Variants in DNAI3 observed in about 807,000 individuals in gnomAD.
DNAI3 encodes dynein axonemal intermediate chain 3, also known as WD repeat domain 63.
A neutral mutation model predicts 115.5 loss-of-function variants in DNAI3; 83 were observed. That is an observed-to-expected ratio of 0.72 (90% CI 0.60 to 0.86). The LOEUF (loss-of-function observed/expected upper bound fraction) is 0.86. Ranked by LOEUF, DNAI3 falls within the 40% of genes least tolerant of loss-of-function variation. The probability of loss-of-function intolerance (pLI) is 0.00; values close to 1 mark genes in which losing one functional copy is unlikely to be tolerated. For missense variants in DNAI3, 1,004 were observed against 1,075.8 expected, an observed-to-expected ratio of 0.93 and a Z score of 0.93; for synonymous variants, 320 against 347.0, an observed-to-expected ratio of 0.92 and a Z score of 0.86.
chr1:85,124,714 G>A (rs1281777242), intron 19 of DNAI3, among the ~76,000 whole-genome samples: 1 of 152,084 alleles, frequency 6.6e-6, no homozygotes, highest in African/African-American at 2.4e-5. Flanking sequence ...TGTGTTTTTT[G>A]TAGAAATGGG....
At chr1:85,116,726 T>G (rs1188051334) in intron 16 of DNAI3, among the ~76,000 whole-genome samples, 1 of 152,238 alleles carries the variant, frequency 6.6e-6, no homozygotes, top group Admixed American at 6.5e-5. Context: ...TGCCCAGTCA[T>G]GTTTGAAATG....
intron 15 of DNAI3, 28 bp downstream of exon 15, chr1:85,108,205 C>A (rs1169771777): frequency 6.4e-7 from 1 of 1,556,596 alleles, no homozygotes; most frequent in East Asian, 2.3e-5. Flanking sequence ...TTTAGTCCAT[C>A]CTGCTTGCAT....
chr1:85,070,921 C>A, intron 1 of DNAI3, among the ~76,000 whole-genome samples: 1 of 152,172 alleles, frequency 6.6e-6, no homozygotes, highest in Non-Finnish European at 1.5e-5. Context: ...TACACAGGAA[C>A]ACAGACACAC....
chr1:85,124,161 T>C lies in DNAI3; in HGVS notation c.2022T>C (p.Thr674=), dbSNP rs975374193. The C allele has an allele frequency of 1.2e-6, 2 of 1,614,136 alleles. No individual in the cohort carries two copies. Among genetic ancestry groups the C allele is most frequent in the Non-Finnish European group, 1.7e-6 (2 of 1,180,050 alleles). ...PVSHHTIHDG[T]VHTIQRSPFY... ...GCCACCACACCATTCACGACGGAAC[T>C]GTCCACACTATTCAGAGATCACCTT... is the stretch of plus-strand genomic sequence containing the variant. Residue 674 remains threonine (T), a synonymous_variant, in exon 19 of 23, where the codon ACT becomes ACC. Coordinates refer to ENST00000294664, the MANE Select transcript of DNAI3 (RefSeq NM_145172.5).
intron 18 of DNAI3, among the ~76,000 whole-genome samples, chr1:85,122,530 T>C (rs542654979): frequency 6.6e-6 from 1 of 152,356 alleles, no homozygotes; most frequent in East Asian, 1.9e-4. Flanking sequence ...TGTGAAAATA[T>C]ATTTTAATGC....
At chr1:85,075,281 A>G (rs1243457624) in intron 3 of DNAI3, among the ~76,000 whole-genome samples, 1 of 152,126 alleles carries the variant, frequency 6.6e-6, no homozygotes, top group Non-Finnish European at 1.5e-5. Flanking sequence ...TGCTTTTCAC[A>G]TAGTGGGTGC....
At chr1:85,080,046 C>CTT (rs35938324) in intron 3 of DNAI3, among the ~76,000 whole-genome samples, 300 of 68,358 alleles carry the variant, frequency 4.4e-3, no homozygotes, top group East Asian at 6.5e-3. Flanking sequence ...TTTTCTTTTT[C>CTT]TTTTTTTTTT....
In DNAI3 at chr1:85,117,878, C is replaced by T; in HGVS notation, c.1917+19C>T. 6.2e-7 allele frequency: 1 copy of T among 1,608,360 alleles called. No individual in the cohort carries two copies. On this transcript the variant is annotated intron_variant, in intron 17 of 22. Transcript: ENST00000294664. Reference sequence around the variant, plus strand: ...AACAGAGGTAAATTGGGATTATCTGCTTTTAAAATTAATACTTATTTATAC... The same window carrying T: ...AACAGAGGTAAATTGGGATTATCTGTTTTTAAAATTAATACTTATTTATAC...
chr1:85,066,462 GAC>G (rs1654101460), intron 1 of DNAI3, among the ~76,000 whole-genome samples: 1 of 151,716 alleles, frequency 6.6e-6, no homozygotes, highest in Admixed American at 6.6e-5. Context: ...GAGTAGCTGA[GAC>G]TACAGGCGCC....
At position 85,104,590 on chromosome 1, in the gene DNAI3, G is replaced by T. The variant is rs763104920; in HGVS notation, c.1546G>T (p.Ala516Ser). The T allele has an allele frequency of 1.7e-5, 28 of 1,613,434 alleles. No homozygotes were observed. The South Asian group carries it at 3.1e-4, about 18-fold the overall frequency. Residue 516 changes from alanine to serine, a missense_variant, in exon 14 of 23, where the codon GCA becomes TCA. Physicochemically the swap from Ala to Ser is moderately conservative, Grantham distance 99 (BLOSUM62 1). Coordinates refer to ENST00000294664, the MANE Select transcript of DNAI3 (RefSeq NM_145172.5). ...GICCQLVTCSADCTICFWDIR... is the reference protein window; with the variant it reads ...GICCQLVTCSSDCTICFWDIR... ...ATGCTGTCAACTTGTCACATGTTCA[G>T]CAGATTGGTAAGTCTTGTTTCAAAC...
intron 19 of DNAI3, among the ~76,000 whole-genome samples, chr1:85,124,470 G>A (rs1028282113): frequency 6.6e-6 from 1 of 152,178 alleles, no homozygotes; most frequent in African/African-American, 2.4e-5. Context: ...CAGTTTACAA[G>A]TTCCTTGTTC....
In DNAI3 at chr1:85,121,734, A is replaced by G; in HGVS notation, c.1918-17A>G. 6.2e-7 allele frequency: 1 copy of G among 1,613,394 alleles called. No homozygotes were observed. Among genetic ancestry groups the G allele is most frequent in the Non-Finnish European group, 8.5e-7 (1 of 1,179,416 alleles). ...TAAGTTGTCATTGTACTCATCAGGA[A>G]CCTGTAATATTTTTAGGAAGGCGAA... On this transcript the variant is annotated splice_polypyrimidine_tract_variant and intron_variant, in intron 17 of 22. Transcript: ENST00000294664.
Position 85,098,497 on chromosome 1 carries a change from AT to A in DNAI3, c.1351-31del. 4 of 1,603,790 alleles carry A rather than the reference AT, an allele frequency of 2.5e-6. No individual in the cohort carries two copies. The South Asian group carries it at 4.5e-5, about 18-fold the overall frequency. ...TGAGTTCATTCATCAGCCCTCTGAA[AT>A]TAGCACTTAACTTTCTTTTAATATT... On this transcript the variant is annotated intron_variant, in intron 12 of 22. Transcript: ENST00000294664.
At chr1:85,084,813 G>T in intron 6 of DNAI3, 118 bp downstream of exon 6, 1 of 1,072,978 alleles carries the variant, frequency 9.3e-7, no homozygotes, top group Non-Finnish European at 1.2e-6. Context: ...TTGGTGTGTT[G>T]TTTTGGTTTG....
chr1:85,076,796 G>A (rs952644497), intron 3 of DNAI3, among the ~76,000 whole-genome samples: 2 of 152,122 alleles, frequency 1.3e-5, no homozygotes, highest in Admixed American at 6.6e-5. Flanking sequence ...ACAAGTTTCA[G>A]GAATTAGGAC....
intron 15 of DNAI3, 148 bp from the exon 16 acceptor site, chr1:85,109,900 T>A: frequency 1.5e-6 from 1 of 686,074 alleles, no homozygotes. Context: ...GGAAAGAAAC[T>A]AGAAATTTGA....
intron 3 of DNAI3, among the ~76,000 whole-genome samples, chr1:85,079,917 A>G (rs1330828439): frequency 6.6e-6 from 1 of 152,150 alleles, no homozygotes; most frequent in Non-Finnish European, 1.5e-5. Flanking sequence ...AATACAACCA[A>G]CTGAGAAGCC....
At chr1:85,105,142 C>T (rs1433033986) in intron 14 of DNAI3, among the ~76,000 whole-genome samples, 1 of 152,040 alleles carries the variant, frequency 6.6e-6, no homozygotes, top group African/African-American at 2.4e-5. Flanking sequence ...ACAAACTTTC[C>T]CATTCCAAAT....
Position 85,093,521 on chromosome 1 carries a change from C to T in DNAI3, c.921C>T (p.Leu307=), listed in dbSNP as rs373488223. Residue 307 remains leucine, a synonymous_variant, in exon 9 of 23, where the codon CTC becomes CTT. Coordinates refer to ENST00000294664, the MANE Select transcript of DNAI3 (RefSeq NM_145172.5). ...CATTTATTGATGACTGGAAATACCT[C>T]GCAGAAGAAGAAGGCACCTTTGGGG... ...MNTFIDDWKY[L]AEEEGTFGDK... The T allele has an allele frequency of 6.2e-6, 10 of 1,613,962 alleles. No individual in the cohort carries two copies. Among genetic ancestry groups the T allele is most frequent in the African/African-American group, 2.7e-5 (2 of 74,878 alleles).
Sources: gnomAD v4.1 joint callset for allele counts (sites outside exome capture counted in the v4.1 genomes callset) on GRCh38, gnomAD v4.1.1 for gene constraint, MANE v1.5 for transcripts, NCBI Gene and HGNC (gene_info 2026-07-23, HGNC 2026-07-21) for gene names.